The following GRAMD1B variants were observed in gnomAD, a reference collection of about 807,000 sequenced individuals.
GRAMD1B encodes protein Aster-B.
Under a neutral mutation model 99.7 loss-of-function variants are expected in GRAMD1B, and 37 were observed. The observed-to-expected ratio is 0.37, with a 90% CI of 0.29 to 0.49. The LOEUF (loss-of-function observed/expected upper bound fraction) is 0.49. Among genes scored for constraint, GRAMD1B ranks in the 20% least tolerant of loss-of-function variants. The pLI, the probability that GRAMD1B is intolerant of heterozygous loss-of-function variation, is 0.98. For synonymous variants in GRAMD1B, 427 were observed against 387.6 expected, an observed-to-expected ratio of 1.10 and a Z score of -1.19; for missense variants, 888 against 1,009.2, an observed-to-expected ratio of 0.88 and a Z score of 1.63.
intron 2 of GRAMD1B, among the ~76,000 whole-genome samples, chr11:123,566,771 CAAA>C (rs797015346): frequency 7.9e-6 from 1 of 125,982 alleles, no homozygotes. Context: ...ATCTCAAAAG[CAAA>C]AAAAAAAAAG....
chr11:123,464,368 A>G (rs992387831), intron 1 of GRAMD1B, among the ~76,000 whole-genome samples: 3 of 152,212 alleles, frequency 2.0e-5, no homozygotes, highest in Admixed American at 6.5e-5. Flanking sequence ...TGCTGGGGCC[A>G]GCTGGCATCC....
At chr11:123,403,627 T>G (rs1380034185) in intron 1 of GRAMD1B, among the ~76,000 whole-genome samples, 1 of 151,750 alleles carries the variant, frequency 6.6e-6, no homozygotes, top group East Asian at 2.0e-4. Context: ...CACTACAACC[T>G]CTGCCTCCCG....
chr11:123,591,485 C>G lies in GRAMD1B; in HGVS notation c.685-2597C>G, dbSNP rs1048174914. 3 of 398,902 alleles carry G rather than the reference C, an allele frequency of 7.5e-6. No homozygotes were observed. The highest frequency in any genetic ancestry group is 1.3e-5 in the Non-Finnish European group (3 of 226,096). 24.7% of individuals were successfully genotyped at this position (398,902 alleles called of 1,614,324 possible). ...GCAGTGGTACCTGAAGCAGCTTGGC[C>G]ATGCACCTGCTGCCGCTGAACACCG... On this transcript the variant is annotated intron_variant, in intron 4 of 19. Coordinates refer to ENST00000635736, the MANE Select transcript of GRAMD1B (RefSeq NM_001387025.1). The surrounding 1 kb of genome is among the most constrained non-coding windows in gnomAD (Gnocchi z 4.7).
At chr11:123,442,692 C>T (rs1221307479) in intron 1 of GRAMD1B, among the ~76,000 whole-genome samples, 1 of 152,132 alleles carries the variant, frequency 6.6e-6, no homozygotes. Context: ...ATTGCTTGAA[C>T]CTGGGAGGTG....
intron 2 of GRAMD1B, among the ~76,000 whole-genome samples, chr11:123,557,420 A>C (rs1351929320): frequency 6.6e-6 from 1 of 152,250 alleles, no homozygotes; most frequent in East Asian, 1.9e-4. Flanking sequence ...TACTTCGTGC[A>C]TCTTAAGGAA....
intron 14 of GRAMD1B, among the ~76,000 whole-genome samples, chr11:123,611,435 TA>T (rs1256032559): frequency 1.3e-5 from 2 of 152,210 alleles, no homozygotes; most frequent in East Asian, 3.9e-4. Context: ...CCCTATCTCT[TA>T]AAAAAGAGGG....
intron 3 of GRAMD1B, among the ~76,000 whole-genome samples, chr11:123,578,949 T>C (rs1236991490): frequency 6.6e-6 from 1 of 152,184 alleles, no homozygotes; most frequent in Non-Finnish European, 1.5e-5. Flanking sequence ...TCTGCCTGCG[T>C]ACTCTGTTCC....
At position 123,518,722 on chromosome 11, in the gene GRAMD1B, G is replaced by C. The variant is rs1316130312; in HGVS notation, c.452+37829G>C. 2.0e-5 allele frequency among the ~76,000 whole-genome samples: 3 copies of C among 152,172 alleles called. No homozygotes were observed. In the East Asian group the frequency reaches 5.8e-4, roughly 29 times the overall value. ...TGCTGTAAGAATCACTGGGCATGAG[G>C]TCTGCGCAACCACTTTAGATTCTAG... On this transcript the variant is annotated intron_variant, in intron 2 of 19. Transcript: ENST00000635736.
chr11:123,512,523 T>C (rs1379786548), intron 2 of GRAMD1B, among the ~76,000 whole-genome samples: 3 of 152,092 alleles, frequency 2.0e-5, no homozygotes, highest in Non-Finnish European at 4.4e-5. Context: ...CATCAGATGT[T>C]AGAGACGAAT....
chr11:123,618,408 C>A, intron 17 of GRAMD1B: 2 of 1,551,540 alleles, frequency 1.3e-6, no homozygotes, highest in South Asian at 2.2e-5. Context: ...TCCTCCCCAC[C>A]GTACCTCTCT....
At chr11:123,501,720 A>G (rs1939883291) in intron 2 of GRAMD1B, among the ~76,000 whole-genome samples, 1 of 152,202 alleles carries the variant, frequency 6.6e-6, no homozygotes, top group Non-Finnish European at 1.5e-5. Flanking sequence ...AGAGACCCCA[A>G]TGCTTCTGAA....
In GRAMD1B at chr11:123,452,047, T is replaced by G. The variant is rs188914516; in HGVS notation, c.374+20881T>G. ...CAGGGTCTCACTATGTTTTCCGGGT[T>G]AGTCTTGAACTCCCAGCCTCAAGAA... is the stretch of plus-strand genomic sequence containing the variant. On this transcript the variant is annotated intron_variant, in intron 1 of 19. Coordinates refer to ENST00000635736, the MANE Select transcript of GRAMD1B (RefSeq NM_001387025.1). Among the ~76,000 whole-genome samples, 43 of 152,222 alleles carry G rather than the reference T, an allele frequency of 2.8e-4. No homozygotes were observed. The East Asian group carries it at 3.5e-3, about 12-fold the overall frequency.
intron 3 of GRAMD1B, among the ~76,000 whole-genome samples, chr11:123,578,675 G>A (rs1398248207): frequency 1.3e-5 from 2 of 152,158 alleles, no homozygotes; most frequent in Non-Finnish European, 2.9e-5. Context: ...ACCCATGTCT[G>A]CCTGCTCCCT....
intron 2 of GRAMD1B, among the ~76,000 whole-genome samples, chr11:123,481,488 T>C (rs1314392700): frequency 6.6e-6 from 1 of 151,850 alleles, no homozygotes; most frequent in African/African-American, 2.4e-5. Context: ...AACTTTACAG[T>C]GGAGTTAGGA....
rs1953330244 is a variant in GRAMD1B, at chr11:123,610,088, C to T, written c.1777-108C>T. Reference sequence around the variant, plus strand: ...GCTGATTCCAGTGATCCTGGTTCTCCTGTTCAGAAGCCGTGGGGTGGGGTG... The same window carrying T: ...GCTGATTCCAGTGATCCTGGTTCTCTTGTTCAGAAGCCGTGGGGTGGGGTG... On this transcript the variant is annotated intron_variant, in intron 13 of 19. Coordinates refer to ENST00000635736, the MANE Select transcript of GRAMD1B (RefSeq NM_001387025.1). This position sits in a 1 kb window ranked among gnomAD's most constrained non-coding sequence, Gnocchi z 4.1. 6.1e-6 allele frequency: 6 copies of T among 991,316 alleles called. No homozygotes were observed. Among genetic ancestry groups the T allele is most frequent in the Non-Finnish European group, 9.2e-6 (6 of 651,720 alleles). 61.4% of individuals were successfully genotyped at this position (991,316 alleles called of 1,614,324 possible).
At chr11:123,497,209 A>G (rs1050433110) in intron 2 of GRAMD1B, among the ~76,000 whole-genome samples, 1 of 152,222 alleles carries the variant, frequency 6.6e-6, no homozygotes, top group Non-Finnish European at 1.5e-5. Context: ...AACATCAAGA[A>G]GAATTCTCTT....
Position 123,576,242 on chromosome 11 carries a change from G to A in GRAMD1B, c.453-1125G>A, listed in dbSNP as rs1427192597. On this transcript the variant is annotated intron_variant, in intron 2 of 19. Coordinates refer to ENST00000635736, the MANE Select transcript of GRAMD1B (RefSeq NM_001387025.1). ...CCAGCCCTGCACCCCACTCCCCGAGGGAAGGCTGGGATGCAGCCTGCAGGG... is the reference window on the plus strand; with the variant it reads ...CCAGCCCTGCACCCCACTCCCCGAGAGAAGGCTGGGATGCAGCCTGCAGGG... Among the ~76,000 whole-genome samples the A allele has an allele frequency of 1.3e-5, 2 of 152,192 alleles. 1 individual carries two copies. The highest frequency in any genetic ancestry group is 2.9e-5 in the Non-Finnish European group (2 of 68,024).
chr11:123,411,327 G>A (rs1481422032), intron 1 of GRAMD1B, among the ~76,000 whole-genome samples: 2 of 152,128 alleles, frequency 1.3e-5, no homozygotes, highest in Non-Finnish European at 2.9e-5. Flanking sequence ...AGTAGGTTAT[G>A]TGTTCATTGA....
chr11:123,620,338 G>A (rs1469371618), intron 19 of GRAMD1B, among the ~76,000 whole-genome samples: 3 of 152,034 alleles, frequency 2.0e-5, no homozygotes, highest in Non-Finnish European at 2.9e-5. Context: ...GCCGTGTATG[G>A]TGGCGCACAC....
Sources: allele counts gnomAD v4.1 joint callset (sites outside exome capture counted in the v4.1 genomes callset), GRCh38; gene constraint gnomAD v4.1.1; non-coding constraint Gnocchi (gnomAD v3.1); transcripts MANE v1.5; gene names NCBI Gene and HGNC (gene_info 2026-07-23, HGNC 2026-07-21).